Variants in ZCCHC14 observed in about 807,000 individuals in gnomAD.
The protein encoded by ZCCHC14 is zinc finger CCHC-type containing 14, also known as zinc finger CCHC domain-containing protein 14.
ZCCHC14 carries 16 observed loss-of-function variants against 85.0 expected under a neutral mutation model. That is an observed-to-expected ratio of 0.19 (90% CI 0.13 to 0.29). The LOEUF (loss-of-function observed/expected upper bound fraction) is 0.29. Among genes scored for constraint, ZCCHC14 ranks in the 10% least tolerant of loss-of-function variants. The probability of loss-of-function intolerance (pLI) is 1.00; values close to 1 mark genes in which losing one functional copy is unlikely to be tolerated. For synonymous variants in ZCCHC14, 775 were observed against 630.7 expected, an observed-to-expected ratio of 1.23 and a Z score of -3.43; for missense variants, 1,303 against 1,443.5, an observed-to-expected ratio of 0.90 and a Z score of 1.58.
intron 2 of ZCCHC14, among the ~76,000 whole-genome samples, chr16:87,440,731 T>C (rs529552661): frequency 6.6e-6 from 1 of 151,872 alleles, no homozygotes; most frequent in African/African-American, 2.4e-5. Flanking sequence ...CTCAGCCTCC[T>C]GAGTAGCTGG....
At chr16:87,476,778 C>G (rs1205370151) in intron 1 of ZCCHC14, among the ~76,000 whole-genome samples, 1 of 151,552 alleles carries the variant, frequency 6.6e-6, no homozygotes, top group East Asian at 1.9e-4. Context: ...AGGGAATTCT[C>G]TGGGCTGACG....
intron 1 of ZCCHC14, among the ~76,000 whole-genome samples, chr16:87,478,294 G>C (rs993352030): frequency 1.3e-5 from 2 of 152,198 alleles, no homozygotes; most frequent in African/African-American, 4.8e-5. Context: ...GAAGCCAACA[G>C]ATAATAAGCC....
chr16:87,418,615 G>A (rs1432278920), intron 7 of ZCCHC14, among the ~76,000 whole-genome samples: 1 of 152,214 alleles, frequency 6.6e-6, no homozygotes, highest in Non-Finnish European at 1.5e-5. Context: ...GTCTATGATG[G>A]GGCCCAGGAC....
chr16:87,412,055 G>T lies in ZCCHC14; in HGVS notation c.2666C>A (p.Ser889Tyr). The T allele has an allele frequency of 6.2e-7, 1 of 1,610,024 alleles. No homozygotes were observed. Among genetic ancestry groups the T allele is most frequent in the Non-Finnish European group, 8.5e-7 (1 of 1,179,960 alleles). Residue 889 changes from serine to tyrosine, a missense_variant, in exon 12 of 13, where the codon TCC becomes TAC. Ser to Tyr is a moderately radical substitution (Grantham distance 144, BLOSUM62 -2). This residue lies in a region of ZCCHC14 where 797 missense variants were observed against 730.8 expected (regional missense o/e 1.09). Coordinates refer to ENST00000671377, the MANE Select transcript of ZCCHC14 (RefSeq NM_015144.3). The stretch of plus-strand genomic sequence containing the variant: ...ATTCGAGGCAGGAATGTTTCCTGTG[G>T]AGCCGCCACCGCCACTGCTGCTATA... ...SFYSSSGGGG[S>Y]TGNIPASNPN...
intron 1 of ZCCHC14, chr16:87,474,050 C>T (rs552129018): frequency 4.9e-4 from 75 of 152,346 alleles, no homozygotes; most frequent in African/African-American, 1.7e-3. Context: ...GGATTGATCA[C>T]AGAAGACATT....
At chr16:87,487,021 G>A (rs1912541157) in intron 1 of ZCCHC14, among the ~76,000 whole-genome samples, 1 of 152,220 alleles carries the variant, frequency 6.6e-6, no homozygotes, top group Non-Finnish European at 1.5e-5. Context: ...ATAACCAGAG[G>A]ATGAACTATC....
intron 3 of ZCCHC14, among the ~76,000 whole-genome samples, chr16:87,425,525 G>A (rs1295854644): frequency 6.6e-6 from 1 of 151,742 alleles, no homozygotes; most frequent in African/African-American, 2.4e-5. Flanking sequence ...GCAGTGAGCC[G>A]AGATCGCGCC....
intron 1 of ZCCHC14, chr16:87,472,250 G>A (rs1170246624): frequency 1.3e-5 from 2 of 152,234 alleles, no homozygotes; most frequent in Non-Finnish European, 2.9e-5. Flanking sequence ...CAAGTGATGT[G>A]GCATTTCCAA....
chr16:87,455,165 G>A (rs1910892490), intron 2 of ZCCHC14, among the ~76,000 whole-genome samples: 1 of 152,204 alleles, frequency 6.6e-6, no homozygotes, highest in Non-Finnish European at 1.5e-5. Flanking sequence ...GCACATGCCT[G>A]TAATCCCAGC....
At chr16:87,427,558 AAAG>A (rs1205727386) in intron 3 of ZCCHC14, among the ~76,000 whole-genome samples, 2 of 152,158 alleles carry the variant, frequency 1.3e-5, no homozygotes, top group Non-Finnish European at 2.9e-5. Context: ...ATAAACTTTG[AAAG>A]AAAAGATAAC....
At chr16:87,466,707 A>T (rs1298856071) in intron 1 of ZCCHC14, among the ~76,000 whole-genome samples, 4 of 152,340 alleles carry the variant, frequency 2.6e-5, no homozygotes, top group African/African-American at 9.6e-5. Flanking sequence ...CAATCAAAGT[A>T]TCTGTGACTG....
chr16:87,491,336 T>C lies in ZCCHC14; in HGVS notation c.570+333A>G, dbSNP rs1264506204. On this transcript the variant is annotated intron_variant, in intron 1 of 12. Coordinates refer to ENST00000671377, the MANE Select transcript of ZCCHC14 (RefSeq NM_015144.3). This position sits in a 1 kb window ranked among gnomAD's most constrained non-coding sequence, Gnocchi z 5.9. ...TGGGCTCAGGGCCGCGGTGCGGTCT[T>C]GGGGCTTAAAGTGCAGACTTAGGGT... Among the ~76,000 whole-genome samples the C allele has an allele frequency of 6.6e-6, 1 of 151,902 alleles. No individual in the cohort carries two copies. Among genetic ancestry groups the C allele is most frequent in the Non-Finnish European group, 1.5e-5 (1 of 67,958 alleles).
chr16:87,485,316 C>T (rs781657743), intron 1 of ZCCHC14, among the ~76,000 whole-genome samples: 1 of 152,194 alleles, frequency 6.6e-6, no homozygotes, highest in Non-Finnish European at 1.5e-5. Flanking sequence ...AAAACAGAAA[C>T]TGCTAAGAAT....
rs140130982 is a variant in ZCCHC14, at chr16:87,412,834, G to A, written c.1887C>T (p.Pro629=). 318 of 1,609,934 alleles carry A rather than the reference G, an allele frequency of 2.0e-4. 1 individual carries two copies. Among genetic ancestry groups the A allele is most frequent in the Non-Finnish European group, 2.4e-4 (287 of 1,177,590 alleles). The stretch of plus-strand genomic sequence containing the variant: ...CTGCGCTCAGCATCTGCGGGGGCAG[G>A]GGGTGGTGGCCTGATGGATTGGAGC... ...EASSNPSGHH[P]LPPQMLSAAS... Residue 629 remains proline, a synonymous_variant, in exon 12 of 13, where the codon CCC becomes CCT. Transcript: ENST00000671377.
intron 2 of ZCCHC14, among the ~76,000 whole-genome samples, chr16:87,456,133 A>G (rs1910947844): frequency 6.6e-6 from 1 of 152,198 alleles, no homozygotes; most frequent in Non-Finnish European, 1.5e-5. Flanking sequence ...TGTTAGATAA[A>G]GAACCCATAA....
chr16:87,492,248 C>T lies in ZCCHC14; in HGVS notation c.-10G>A. 1 of 981,780 alleles carries T rather than the reference C, an allele frequency of 1.0e-6. No homozygotes were observed. The highest frequency in any genetic ancestry group is 1.2e-6 in the Non-Finnish European group (1 of 828,748). 60.8% of individuals were successfully genotyped at this position (981,780 alleles called of 1,614,324 possible). On this transcript the variant is annotated 5_prime_UTR_variant, in exon 1 of 13. Coordinates refer to ENST00000671377, the MANE Select transcript of ZCCHC14 (RefSeq NM_015144.3). The surrounding 1 kb of genome is among the most constrained non-coding windows in gnomAD (Gnocchi z 6.7). ...AGCGCTTCTCCACCATGCTGCCGCC[C>T]GCGCCGCGCCGCGACCCGGGGCCGG...
intron 6 of ZCCHC14, 119 bp from the exon 7 acceptor site, chr16:87,419,020 G>A (rs950987530): frequency 3.0e-5 from 28 of 925,236 alleles, no homozygotes; most frequent in South Asian, 9.6e-5. Flanking sequence ...GCAATGGTGC[G>A]ATCTCGGCTC....
intron 1 of ZCCHC14, among the ~76,000 whole-genome samples, chr16:87,487,664 G>A (rs149971472): frequency 1.3e-5 from 2 of 152,268 alleles, no homozygotes; most frequent in African/African-American, 2.4e-5. Context: ...CACAGTGCAC[G>A]GGGGTGAAGA....
At chr16:87,470,133 G>A (rs1911712836) in intron 1 of ZCCHC14, among the ~76,000 whole-genome samples, 1 of 151,950 alleles carries the variant, frequency 6.6e-6, no homozygotes, top group South Asian at 2.1e-4. Context: ...AGGAGTTCAA[G>A]ACCAGCCTGG....
Sources: allele counts gnomAD v4.1 joint callset (sites outside exome capture counted in the v4.1 genomes callset), GRCh38; gene constraint gnomAD v4.1.1; regional missense constraint gnomAD v4.1.1; non-coding constraint Gnocchi (gnomAD v3.1); transcripts MANE v1.5; gene names NCBI Gene and HGNC (gene_info 2026-07-23, HGNC 2026-07-21).